The following GPC5 variants were observed in gnomAD, a reference collection of about 807,000 sequenced individuals.
GPC5 encodes the protein glypican-5.
GPC5 carries 47 observed loss-of-function variants against 53.9 expected under a neutral mutation model. The observed-to-expected ratio is 0.87, with a 90% CI of 0.69 to 1.11. The LOEUF (loss-of-function observed/expected upper bound fraction) is 1.11, where lower values mean the gene tolerates loss of function less well. Ranked by LOEUF, GPC5 falls within the 50% of genes most tolerant of loss-of-function variation. The pLI is 0.00. For missense variants in GPC5, 748 were observed against 713.1 expected, an observed-to-expected ratio of 1.05 and a Z score of -0.56; for synonymous variants, 286 against 263.3, an observed-to-expected ratio of 1.09 and a Z score of -0.84.
intron 6 of GPC5, among the ~76,000 whole-genome samples, chr13:91,974,069 C>T (rs919796692): frequency 3.9e-5 from 6 of 152,150 alleles, no homozygotes; most frequent in Non-Finnish European, 7.4e-5. Flanking sequence ...TTTGTCTTTG[C>T]CCTCCCCCAG....
chr13:92,080,999 T>C (rs1352767178), intron 6 of GPC5, among the ~76,000 whole-genome samples: 5 of 152,212 alleles, frequency 3.3e-5, no homozygotes, highest in African/African-American at 1.2e-4. Context: ...GAGCACTTAT[T>C]TTAACATACT....
intron 2 of GPC5, among the ~76,000 whole-genome samples, chr13:91,513,458 G>A (rs1213188664): frequency 1.3e-5 from 2 of 152,000 alleles, no homozygotes; most frequent in East Asian, 3.9e-4. Context: ...AGAGAACACT[G>A]GGCTGGGCGC....
chr13:92,459,916 T>C (rs1878414468), intron 7 of GPC5, among the ~76,000 whole-genome samples: 1 of 152,198 alleles, frequency 6.6e-6, no homozygotes. Context: ...TTTTTTCTGC[T>C]AGATTGTGGT....
intron 7 of GPC5, among the ~76,000 whole-genome samples, chr13:92,163,477 A>C (rs1314527889): frequency 6.6e-6 from 1 of 151,670 alleles, no homozygotes; most frequent in East Asian, 1.9e-4. Context: ...AAAAAAAAAA[A>C]AGATGGAAAG....
At chr13:91,767,575 C>A (rs1282670956) in intron 5 of GPC5, among the ~76,000 whole-genome samples, 1 of 152,148 alleles carries the variant, frequency 6.6e-6, no homozygotes, top group Non-Finnish European at 1.5e-5. Flanking sequence ...CAATTCTAGT[C>A]ATCTCCCTTT....
intron 2 of GPC5, among the ~76,000 whole-genome samples, chr13:91,451,536 C>T (rs1535809): frequency 0.64 from 97,784 of 151,764 alleles, 32,068 homozygotes; most frequent in African/African-American, 0.74. Flanking sequence ...CTATGTGAAA[C>T]TCACACTGGG....
At position 91,931,422 on chromosome 13, in the gene GPC5, G is replaced by A. The variant is rs2039820423; in HGVS notation, c.1401+23365G>A. Among the ~76,000 whole-genome samples, 3 of 152,108 alleles carry A rather than the reference G, an allele frequency of 2.0e-5. No homozygotes were observed. The South Asian group carries it at 6.2e-4, about 32-fold the overall frequency. On this transcript the variant is annotated intron_variant, in intron 6 of 7. Coordinates refer to ENST00000377067, the MANE Select transcript of GPC5 (RefSeq NM_004466.6). The stretch of plus-strand genomic sequence containing the variant: ...TAGCATTGATACAGTGTGGAGCAAT[G>A]AATTTCTAAAATTTTTATCTGCTTA...
At chr13:92,165,876 A>G (rs943398899) in intron 7 of GPC5, among the ~76,000 whole-genome samples, 8 of 152,204 alleles carry the variant, frequency 5.3e-5, no homozygotes, top group Non-Finnish European at 1.0e-4. Context: ...TTTTTGGCAC[A>G]GATGCATTGA....
chr13:91,734,792 C>CA lies in GPC5; in HGVS notation c.1154+6128dup, dbSNP rs368357154. On this transcript the variant is annotated intron_variant, in intron 4 of 7. Transcript: ENST00000377067. ...TTTCATTGGTCTCTTTTTAAATTCA[C>CA]ATCCCATTCTTGTTTCATGGATGAG... is the stretch of plus-strand genomic sequence containing the variant. Among the ~76,000 whole-genome samples, 73 of 151,474 alleles carry CA rather than the reference C, an allele frequency of 4.8e-4. 3 individuals carry two copies. The highest frequency in any genetic ancestry group is 1.6e-3 in the African/African-American group (65 of 40,808).
chr13:92,744,333 G>A (rs1187214515), intron 7 of GPC5, among the ~76,000 whole-genome samples: 1 of 152,000 alleles, frequency 6.6e-6, no homozygotes, highest in Middle Eastern at 3.2e-3. Flanking sequence ...TTGGATATGT[G>A]GCATGAAGGA....
chr13:92,710,122 C>T (rs1033305913), intron 7 of GPC5, among the ~76,000 whole-genome samples: 10 of 152,094 alleles, frequency 6.6e-5, no homozygotes, highest in East Asian at 1.9e-4. Context: ...TAACTCCAAA[C>T]GTTTTAATTG....
intron 2 of GPC5, among the ~76,000 whole-genome samples, chr13:91,587,795 T>G (rs972687324): frequency 4.6e-5 from 7 of 152,188 alleles, no homozygotes; most frequent in Non-Finnish European, 1.0e-4. Context: ...AAGAACAGAA[T>G]GTACTCAAGA....
chr13:91,463,711 G>A (rs1334554340), intron 2 of GPC5, among the ~76,000 whole-genome samples: 1 of 152,080 alleles, frequency 6.6e-6, no homozygotes, highest in African/African-American at 2.4e-5. Flanking sequence ...AACAAACTGT[G>A]TTGAGAAATT....
At chr13:92,292,325 C>T (rs1352342332) in intron 7 of GPC5, among the ~76,000 whole-genome samples, 1 of 152,178 alleles carries the variant, frequency 6.6e-6, no homozygotes, top group Non-Finnish European at 1.5e-5. Flanking sequence ...GTTCCCTGTT[C>T]ACCTCATCCA....
intron 7 of GPC5, among the ~76,000 whole-genome samples, chr13:92,712,978 C>A (rs931644783): frequency 6.6e-6 from 1 of 152,052 alleles, no homozygotes; most frequent in African/African-American, 2.4e-5. Flanking sequence ...TTTCCAGCCT[C>A]CAAACCTGTG....
At chr13:91,990,193 A>G (rs1255177415) in intron 6 of GPC5, among the ~76,000 whole-genome samples, 1 of 152,222 alleles carries the variant, frequency 6.6e-6, no homozygotes, top group African/African-American at 2.4e-5. Flanking sequence ...TACCACAGGG[A>G]CTACAAGTTA....
intron 5 of GPC5, among the ~76,000 whole-genome samples, chr13:91,784,231 A>G (rs1314961728): frequency 6.6e-6 from 1 of 152,192 alleles, no homozygotes; most frequent in Non-Finnish European, 1.5e-5. Context: ...AAAATGTAGT[A>G]TAATTTTATT....
chr13:92,815,461 C>G (rs1877437983), intron 7 of GPC5, among the ~76,000 whole-genome samples: 1 of 151,762 alleles, frequency 6.6e-6, no homozygotes, highest in Non-Finnish European at 1.5e-5. Flanking sequence ...AGCAAGTAAT[C>G]AGAGGAGAAA....
chr13:91,847,259 G>A (rs1218500200), intron 5 of GPC5, among the ~76,000 whole-genome samples: 1 of 150,184 alleles, frequency 6.7e-6, no homozygotes, highest in Non-Finnish European at 1.5e-5. Context: ...TGAAAATATC[G>A]TTGATGATTA....
Sources: allele counts gnomAD v4.1 joint callset (sites outside exome capture counted in the v4.1 genomes callset), GRCh38; gene constraint gnomAD v4.1.1; transcripts MANE v1.5; gene names NCBI Gene and HGNC (gene_info 2026-07-23, HGNC 2026-07-21).